The following ZNF609 variants were observed in gnomAD, a reference collection of about 807,000 sequenced individuals.
The protein encoded by ZNF609 is zinc finger protein 609.
ZNF609 carries 11 observed loss-of-function variants against 109.5 expected under a neutral mutation model. The observed-to-expected ratio is 0.10, with a 90% CI of 0.06 to 0.17. The LOEUF is 0.17. Among genes scored for constraint, ZNF609 ranks in the 10% least tolerant of loss-of-function variants. The probability of loss-of-function intolerance (pLI) is 1.00; values close to 1 mark genes in which losing one functional copy is unlikely to be tolerated. For missense variants in ZNF609, 1,559 were observed against 1,772.4 expected (o/e 0.88, Z 2.16); for synonymous variants, 646 against 662.0 (o/e 0.98, Z 0.37).
intron 3 of ZNF609, among the ~76,000 whole-genome samples, chr15:64,634,485 C>G (rs545408946): frequency 6.6e-6 from 1 of 152,244 alleles, no homozygotes; most frequent in South Asian, 2.1e-4. Flanking sequence ...TTGGTAGTTA[C>G]TCTTGGTTTT....
chr15:64,460,949 C>T (rs1414455911), intron 1 of ZNF609, 111 bp downstream of exon 1: 1 of 93,388 alleles, frequency 1.1e-5, no homozygotes, highest in African/African-American at 4.2e-5. Context: ...GCGGCGCTGC[C>T]TGACGGAGGA....
At chr15:64,670,218 T>G in intron 3 of ZNF609, 128 bp from the exon 4 acceptor site, 2 of 718,126 alleles carry the variant, frequency 2.8e-6, no homozygotes, top group South Asian at 3.3e-5. Context: ...CCAATCCTAT[T>G]TGTCCCATTG....
chr15:64,607,300 C>T (rs1389252667), intron 2 of ZNF609, among the ~76,000 whole-genome samples: 1 of 151,982 alleles, frequency 6.6e-6, no homozygotes, highest in African/African-American at 2.4e-5. Flanking sequence ...TATACATTAT[C>T]TGTAAAACAA....
chr15:64,664,705 A>T (rs978955292), intron 3 of ZNF609, among the ~76,000 whole-genome samples: 2 of 152,140 alleles, frequency 1.3e-5, no homozygotes, highest in African/African-American at 2.4e-5. Flanking sequence ...GTTTCCTTTG[A>T]CATTTAAACA....
At chr15:64,661,478 G>A (rs1361392430) in intron 3 of ZNF609, among the ~76,000 whole-genome samples, 1 of 152,032 alleles carries the variant, frequency 6.6e-6, no homozygotes, top group African/African-American at 2.4e-5. Flanking sequence ...GGTTAGTTAG[G>A]GTGTATTTGT....
At chr15:64,591,195 C>G (rs1363576043) in intron 2 of ZNF609, among the ~76,000 whole-genome samples, 5 of 152,038 alleles carry the variant, frequency 3.3e-5, no homozygotes, top group South Asian at 2.1e-4. Flanking sequence ...TTTGGGAGAC[C>G]AAGGCTGGCG....
chr15:64,537,085 TG>T (rs1894161910), intron 2 of ZNF609, among the ~76,000 whole-genome samples: 1 of 150,000 alleles, frequency 6.7e-6, no homozygotes, highest in Non-Finnish European at 1.5e-5. Flanking sequence ...TAGCCAGGTG[TG>T]GTGGTGGGCA....
intron 2 of ZNF609, chr15:64,593,121 C>G: frequency 6.3e-7 from 1 of 1,591,434 alleles, no homozygotes. Context: ...GTGGAGTCCG[C>G]AGCAGTCAGG....
At chr15:64,529,267 C>A in intron 2 of ZNF609, 1 of 713,394 alleles carries the variant, frequency 1.4e-6, no homozygotes, top group Non-Finnish European at 2.6e-6. Flanking sequence ...TCATGGTTCA[C>A]GCCCATCACA....
chr15:64,678,491 C>A lies in ZNF609; in HGVS notation c.3769+9C>A. On this transcript the variant is annotated intron_variant, in intron 6 of 9. Coordinates refer to ENST00000326648, the MANE Select transcript of ZNF609 (RefSeq NM_015042.2). ...GATGCAGAACTACCCAGGTACAGCA[C>A]CAAGTGCCAGCACTATTCCATTCAC... The A allele has an allele frequency of 6.4e-7, 1 of 1,559,418 alleles. No individual in the cohort carries two copies. Among genetic ancestry groups the A allele is most frequent in the East Asian group, 2.2e-5 (1 of 44,478 alleles).
intron 1 of ZNF609, among the ~76,000 whole-genome samples, chr15:64,491,444 C>T (rs542463576): frequency 6.6e-6 from 1 of 152,314 alleles, no homozygotes; most frequent in African/African-American, 2.4e-5. Flanking sequence ...CCTGAGACAT[C>T]AAATCCTGTA....
chr15:64,466,805 C>G (rs1324937893), intron 1 of ZNF609, among the ~76,000 whole-genome samples: 1 of 152,034 alleles, frequency 6.6e-6, no homozygotes, highest in Non-Finnish European at 1.5e-5. Flanking sequence ...TTACCTTTCC[C>G]CCACCCCCAT....
chr15:64,487,688 G>A (rs1255416512), intron 1 of ZNF609, among the ~76,000 whole-genome samples: 3 of 151,414 alleles, frequency 2.0e-5, no homozygotes, highest in Non-Finnish European at 4.4e-5. Context: ...GCTGGAGTGC[G>A]GTGGCACAAT....
chr15:64,680,185 G>C lies in ZNF609; in HGVS notation c.3770G>C (p.Gly1257Ala), dbSNP rs1466590163. 6.2e-7 allele frequency: 1 copy of C among 1,613,806 alleles called. No individual in the cohort carries two copies. Among genetic ancestry groups the C allele is most frequent in the Admixed American group, 1.7e-5 (1 of 59,972 alleles). ...MPAVMMQNYPGSYLPSSYSFS... is the reference protein window; with the variant it reads ...MPAVMMQNYPASYLPSSYSFS... ...GACTGTTTGATTTCTCCTTCCACAGGTTCCTACCTGCCTTCCAGCTACTCT... is the reference window on the plus strand; with the variant it reads ...GACTGTTTGATTTCTCCTTCCACAGCTTCCTACCTGCCTTCCAGCTACTCT... The change falls in exon 7 of 10, where the codon GGT becomes GCT. Residue 1257 changes from glycine (G) to alanine (A), a missense_variant and splice_region_variant. By Grantham distance (60) the Gly-to-Ala change is moderately conservative (BLOSUM62 0). This residue lies in a region of ZNF609 where 1,204 missense variants were observed against 1,314.1 expected (regional missense o/e 0.92). Coordinates refer to ENST00000326648, the MANE Select transcript of ZNF609 (RefSeq NM_015042.2).
chr15:64,597,565 G>A (rs1438763504), intron 2 of ZNF609, among the ~76,000 whole-genome samples: 1 of 152,208 alleles, frequency 6.6e-6, no homozygotes, highest in African/African-American at 2.4e-5. Flanking sequence ...TTTCTCTGAA[G>A]TGCTGAAAAC....
At chr15:64,483,395 CTT>C (rs879302050) in intron 1 of ZNF609, among the ~76,000 whole-genome samples, 2 of 149,574 alleles carry the variant, frequency 1.3e-5, no homozygotes, top group African/African-American at 2.4e-5. Flanking sequence ...AGCCTGGCCT[CTT>C]TTTTTTTGAG....
At chr15:64,643,730 G>A (rs550316391) in intron 3 of ZNF609, 1 of 152,116 alleles carries the variant, frequency 6.6e-6, no homozygotes, top group East Asian at 1.9e-4. Context: ...ATTCATACTA[G>A]CACTGGACAT....
intron 3 of ZNF609, chr15:64,654,371 C>G (rs1370791855): frequency 6.6e-6 from 1 of 152,154 alleles, no homozygotes; most frequent in African/African-American, 2.4e-5. Context: ...CACATTCTTC[C>G]TATCCTTTTT....
intron 1 of ZNF609, among the ~76,000 whole-genome samples, chr15:64,487,045 C>G (rs1402438099): frequency 6.6e-6 from 1 of 152,114 alleles, no homozygotes; most frequent in Non-Finnish European, 1.5e-5. Context: ...TATTATTGAG[C>G]CGTTTGATAT....
Sources: gnomAD v4.1 joint callset for allele counts (sites outside exome capture counted in the v4.1 genomes callset) on GRCh38, gnomAD v4.1.1 for gene constraint, gnomAD v4.1.1 regional missense constraint, MANE v1.5 for transcripts, NCBI Gene and HGNC (gene_info 2026-07-23, HGNC 2026-07-21) for gene names.